The following CCNY variants were observed in gnomAD, a reference collection of about 807,000 sequenced individuals.
CCNY encodes cyclin Y, also known as cyclin-Y.
CCNY carries 19 observed loss-of-function variants against 42.8 expected under a neutral mutation model. That is an observed-to-expected ratio of 0.44 (90% CI 0.31 to 0.65). CCNY has a LOEUF of 0.65. Among genes scored for constraint, CCNY ranks in the 30% least tolerant of loss-of-function variants. The probability of loss-of-function intolerance (pLI) is 0.07; values close to 1 mark genes in which losing one functional copy is unlikely to be tolerated. For synonymous variants in CCNY, 165 were observed against 162.7 expected, an observed-to-expected ratio of 1.01 and a Z score of -0.11; for missense variants, 370 against 437.3, an observed-to-expected ratio of 0.85 and a Z score of 1.37.
rs577760484 is a variant in CCNY, at chr10:35,500,632, G to A, written c.230-869G>A. Among the ~76,000 whole-genome samples the A allele has an allele frequency of 4.6e-5, 7 of 152,250 alleles. No individual in the cohort carries two copies. The East Asian group carries it at 1.4e-3, about 29-fold the overall frequency. The stretch of plus-strand genomic sequence containing the variant: ...TATTCTTCATGTCTTTTACAGTAAC[G>A]AATAAATGTGTTGATGGATTCATCT... On this transcript the variant is annotated intron_variant, in intron 2 of 9. Transcript: ENST00000374704.
chr10:35,539,730 T>G (rs1221288176), intron 7 of CCNY, among the ~76,000 whole-genome samples: 1 of 152,196 alleles, frequency 6.6e-6, no homozygotes, highest in Admixed American at 6.5e-5. Context: ...GAGGTTGCAG[T>G]GAGCCAAGAT....
chr10:35,457,776 G>C (rs924238055), intron 1 of CCNY, among the ~76,000 whole-genome samples: 2 of 152,010 alleles, frequency 1.3e-5, no homozygotes, highest in Non-Finnish European at 2.9e-5. Flanking sequence ...GTAGAACCAG[G>C]GTTTCACCGT....
At chr10:35,561,350 CCATCACTCAGAAAGAATATT>C (rs1351219248) in intron 8 of CCNY, among the ~76,000 whole-genome samples, 15 of 152,164 alleles carry the variant, frequency 9.9e-5, no homozygotes, top group African/African-American at 3.6e-4. Flanking sequence ...TTCTATAATC[CCATCACTCAGAAAGAATATT>C]GCTAACATTT....
chr10:35,529,180 TA>T (rs1447063708), intron 5 of CCNY, among the ~76,000 whole-genome samples: 1 of 152,204 alleles, frequency 6.6e-6, no homozygotes, highest in Admixed American at 6.5e-5. Context: ...AAAGACTTTT[TA>T]TCTGTCACCT....
chr10:35,353,081 A>G (rs2474520), intron 1 of CCNY, among the ~76,000 whole-genome samples: 8,129 of 152,166 alleles, frequency 0.053, 310 homozygotes, highest in African/African-American at 0.11. Flanking sequence ...GTGCACCACC[A>G]TGCCTGGCTA....
chr10:35,375,134 A>G (rs1269517323), intron 1 of CCNY, among the ~76,000 whole-genome samples: 2 of 152,192 alleles, frequency 1.3e-5, no homozygotes, highest in Non-Finnish European at 2.9e-5. Context: ...AAATTACCAC[A>G]GAGTTGGTGG....
At chr10:35,563,875 ATTTTT>A (rs527639128) in intron 8 of CCNY, among the ~76,000 whole-genome samples, 1 of 118,516 alleles carries the variant, frequency 8.4e-6, no homozygotes, top group Non-Finnish European at 1.8e-5. Flanking sequence ...TGCCTGACTA[ATTTTT>A]TTTTTTTTTT....
At chr10:35,377,814 A>G (rs1278841774) in intron 1 of CCNY, among the ~76,000 whole-genome samples, 3 of 150,096 alleles carry the variant, frequency 2.0e-5, no homozygotes, top group African/African-American at 7.6e-5. Flanking sequence ...AAAATTAAGT[A>G]AGAAGAGTAG....
In CCNY at chr10:35,546,838, G is replaced by T. The variant is rs532681656; in HGVS notation, c.580-6181G>T. 6.8e-4 allele frequency among the ~76,000 whole-genome samples: 103 copies of T among 152,246 alleles called. 1 individual carries two copies. Among genetic ancestry groups the T allele is most frequent in the South Asian group, 1.7e-3 (8 of 4,822 alleles). ...ATTCATCAACTAAGGTAAGTTAAAA[G>T]TCAGAAGAAAACATAGTCAGCTTTT... On this transcript the variant is annotated intron_variant, in intron 7 of 9. Coordinates refer to ENST00000374704, the MANE Select transcript of CCNY (RefSeq NM_145012.6).
chr10:35,312,494 C>A (rs1273220373), intron 3 of CCNY, among the ~76,000 whole-genome samples: 2 of 151,792 alleles, frequency 1.3e-5, no homozygotes, highest in African/African-American at 4.8e-5. Context: ...CCCTCACACC[C>A]AATTCAGGGC....
chr10:35,443,243 A>G (rs937755654), intron 1 of CCNY, among the ~76,000 whole-genome samples: 1 of 152,174 alleles, frequency 6.6e-6, no homozygotes, highest in African/African-American at 2.4e-5. Context: ...AACTGATACA[A>G]AATATTTTTC....
intron 1 of CCNY, among the ~76,000 whole-genome samples, chr10:35,372,789 T>A (rs1347297804): frequency 2.0e-5 from 3 of 152,060 alleles, no homozygotes; most frequent in Non-Finnish European, 4.4e-5. Context: ...AACCTCCACC[T>A]CCTGGGTTCA....
chr10:35,349,111 G>A (rs1034396474), intron 1 of CCNY, among the ~76,000 whole-genome samples: 1 of 152,166 alleles, frequency 6.6e-6, no homozygotes, highest in Admixed American at 6.5e-5. Flanking sequence ...GGTGGACGGT[G>A]GGACTTGAGC....
At chr10:35,425,477 A>G (rs1838245996) in intron 1 of CCNY, among the ~76,000 whole-genome samples, 1 of 152,252 alleles carries the variant, frequency 6.6e-6, no homozygotes, top group African/African-American at 2.4e-5. Context: ...ATTGTTTATT[A>G]TAACTCCGTA....
intron 1 of CCNY, among the ~76,000 whole-genome samples, chr10:35,412,412 T>C (rs921284348): frequency 3.9e-5 from 6 of 152,064 alleles, no homozygotes; most frequent in Non-Finnish European, 8.8e-5. Flanking sequence ...AATGCATTGC[T>C]ATACAACTTG....
intron 1 of CCNY, among the ~76,000 whole-genome samples, chr10:35,456,198 T>TA (rs1266045306): frequency 1.3e-5 from 2 of 152,188 alleles, no homozygotes; most frequent in Non-Finnish European, 2.9e-5. Context: ...TCACCAGTGT[T>TA]ATGGAGAGAT....
intron 3 of CCNY, among the ~76,000 whole-genome samples, chr10:35,329,803 A>T (rs1186877866): frequency 6.6e-6 from 1 of 152,182 alleles, no homozygotes. Flanking sequence ...GAGCAGGCCA[A>T]CCTGACTGTC....
chr10:35,302,900 T>C (rs954195323), intron 3 of CCNY, among the ~76,000 whole-genome samples: 4 of 152,078 alleles, frequency 2.6e-5, no homozygotes, highest in African/African-American at 9.7e-5. Context: ...TATTAGAAAT[T>C]ATAAAGGTAA....
intron 3 of CCNY, among the ~76,000 whole-genome samples, chr10:35,273,493 C>T (rs1835198487): frequency 6.6e-6 from 1 of 152,242 alleles, no homozygotes; most frequent in African/African-American, 2.4e-5. Flanking sequence ...GCATGAGCCA[C>T]TGTGGCCGGC....
Sources: allele counts gnomAD v4.1 joint callset (sites outside exome capture counted in the v4.1 genomes callset), GRCh38; gene constraint gnomAD v4.1.1; transcripts MANE v1.5; gene names NCBI Gene and HGNC (gene_info 2026-07-23, HGNC 2026-07-21).